TRPM5: variants seen among roughly 807,000 people sequenced by gnomAD.
The protein encoded by TRPM5 is MLSN1 and TRP-related.
TRPM5 carries 121 observed loss-of-function variants against 124.9 expected under a neutral mutation model. The ratio of observed to expected loss-of-function variants is 0.97; its 90% CI spans 0.84 to 1.13. TRPM5 has a LOEUF of 1.13. TRPM5 is among the 50% of genes most tolerant of loss of function. TRPM5 has a pLI of 0.00. For missense variants in TRPM5, 1,643 were observed against 1,589.1 expected (o/e 1.03, Z -0.58); for synonymous variants, 781 against 700.5 (o/e 1.11, Z -1.81).
chr11:2,413,043 G>T, intron 14 of TRPM5, 31 bp from the exon 20 acceptor site: 1 of 1,579,252 alleles, frequency 6.3e-7, no homozygotes, highest in East Asian at 2.3e-5. Context: ...CAGTGGTGAG[G>T]CTGGCGCCCA....
chr11:2,420,394 A>G (rs755814218), exon 4 of TRPM5: 61 of 1,608,966 alleles, frequency 3.8e-5, no homozygotes, highest in Non-Finnish European at 4.4e-5. Context: ...GGTAGTGGAC[A>G]GGAAAATCCT....
At chr11:2,442,403 A>G in the TRPM5 span, among the ~76,000 whole-genome samples, 2 of 148,620 alleles carry the variant, frequency 1.3e-5, no homozygotes, top group East Asian at 3.9e-4. This position sits in a 1 kb window ranked among gnomAD's most constrained non-coding sequence, Gnocchi z 5.9. Context: ...ACACACACAC[A>G]CACACACACA....
Position 2,414,266 on chromosome 11 carries a change from G to A in TRPM5, c.1745-60C>T, listed in dbSNP as rs1251067125. ...GCCGATGCCCGGCCCGGCCCCCGACGCCCCTCCTCCATCCCCTGCCCAGAC... is the reference window on the plus strand; with the variant it reads ...GCCGATGCCCGGCCCGGCCCCCGACACCCCTCCTCCATCCCCTGCCCAGAC... On this transcript the variant is annotated intron_variant, in intron 11 of 23. Transcript: ENST00000155858. 12 of 1,546,444 alleles carry A rather than the reference G, an allele frequency of 7.8e-6. No individual in the cohort carries two copies. The East Asian group carries it at 1.6e-4, about 21-fold the overall frequency.
chr11:2,443,094 T>C, the TRPM5 span, among the ~76,000 whole-genome samples: 1 of 152,256 alleles, frequency 6.6e-6, no homozygotes, highest in Non-Finnish European at 1.5e-5. This position sits in a 1 kb window ranked among gnomAD's most constrained non-coding sequence, Gnocchi z 5.0. Context: ...TAGTTGGAAA[T>C]GTTTTCCCGA....
chr11:2,412,354 C>A lies in TRPM5; in HGVS notation c.2356-101G>T, dbSNP rs184964980. On this transcript the variant is annotated intron_variant, in intron 15 of 23. Transcript: ENST00000155858. ...GGATCTGTAAGGATCAGGGTTCCATCTATGACCAGGGCCGAGGCTACCAGT... is the reference window on the plus strand; with the variant it reads ...GGATCTGTAAGGATCAGGGTTCCATATATGACCAGGGCCGAGGCTACCAGT... 11 of 591,112 alleles carry A rather than the reference C, an allele frequency of 1.9e-5. No homozygotes were observed. The Admixed American group carries it at 2.9e-4, about 15-fold the overall frequency. 36.6% of individuals were successfully genotyped at this position (591,112 alleles called of 1,614,324 possible). A position where few individuals can be genotyped will look rare whatever the true frequency, so the allele number is the denominator to read the frequency against.
chr11:2,407,793 C>T (rs756785879), exon 19 of TRPM5: 1 of 1,613,922 alleles, frequency 6.2e-7, no homozygotes, highest in South Asian at 1.1e-5. Context: ...ATGAGCAGCA[C>T]ATTGGTGACC....
chr11:2,415,505 CAA>C (rs1402547594), intron 8 of TRPM5, 34 bp from the exon 14 acceptor site: 1 of 1,417,464 alleles, frequency 7.1e-7, no homozygotes, highest in African/African-American at 1.4e-5. Flanking sequence ...GGAAGGGGGA[CAA>C]GAGAGTGAGC....
At chr11:2,406,220 T>A (rs573076903) in intron 21 of TRPM5, 129 bp from the exon 27 acceptor site, 1 of 958,068 alleles carries the variant, frequency 1.0e-6, no homozygotes. Context: ...CCTTCCTCCC[T>A]CATGCCCAGA....
chr11:2,415,046 T>C, exon 10 of TRPM5: 1 of 1,600,662 alleles, frequency 6.2e-7, no homozygotes, highest in Non-Finnish European at 8.5e-7. Context: ...CGGGCCCTTC[T>C]CCTGGAGGAC....
chr11:2,411,848 C>T (rs899675944), intron 16 of TRPM5, 81 bp from the exon 22 acceptor site: 41 of 1,557,664 alleles, frequency 2.6e-5, no homozygotes, highest in African/African-American at 1.6e-4. Flanking sequence ...ATGCTGGCTG[C>T]GGGCAGGGCC....
Position 2,407,381 on chromosome 11 carries a change from G to C in TRPM5, c.2937-81C>G. The stretch of plus-strand genomic sequence containing the variant: ...CGCATCCCCCTGCACCCTGATTGCT[G>C]TTGGGGAGCCCTTTTTGAAACTGAG... On this transcript the variant is annotated intron_variant, in intron 19 of 23. Coordinates refer to ENST00000155858, the Ensembl canonical transcript of TRPM5. The C allele has an allele frequency of 4.3e-6, 6 of 1,387,402 alleles. No individual in the cohort carries two copies. The South Asian group carries it at 6.5e-5, about 15-fold the overall frequency. 85.9% of individuals were successfully genotyped at this position (1,387,402 alleles called of 1,614,324 possible). A position where few individuals can be genotyped will look rare whatever the true frequency, so the allele number is the denominator to read the frequency against.
rs574109456 is a variant in TRPM5, at chr11:2,418,076, G to A, written c.906+91C>T. On this transcript the variant is annotated intron_variant, in intron 6 of 23. Coordinates refer to ENST00000155858, the Ensembl canonical transcript of TRPM5. ...CCAGCAGCCTGAGGTGGGAGGAGTGGGCTGGAGGCTGCATTGCAGGAACTC... is the reference window on the plus strand; with the variant it reads ...CCAGCAGCCTGAGGTGGGAGGAGTGAGCTGGAGGCTGCATTGCAGGAACTC... 1.0e-3 allele frequency: 1,254 copies of A among 1,244,674 alleles called. 3 individuals are homozygous for A. The highest frequency in any genetic ancestry group is 2.1e-3 in the Admixed American group (93 of 43,968). The allele number at this position is 1,244,674 out of a possible 1,614,324, so 77.1% of individuals were successfully genotyped here. A position where few individuals can be genotyped will look rare whatever the true frequency, so the allele number is the denominator to read the frequency against.
rs773151306 is a variant in TRPM5, at chr11:2,413,504, G to C, written c.1975C>G (p.Leu659Val). The change falls in exon 13 of 24, where the codon CTC becomes GTC. Residue 659 changes from leucine (L) to valine (V), a missense_variant. By Grantham distance (32) the Leu-to-Val change is conservative (BLOSUM62 1). Transcript: ENST00000155858. ...AAGGTGATGAGGTTGGTATAGACGAGGGCGGGGCAGAGGAAGGCTCCTAGC... is the reference window on the plus strand; with the variant it reads ...AAGGTGATGAGGTTGGTATAGACGACGGCGGGGCAGAGGAAGGCTCCTAGC... 12 of 1,612,122 alleles carry C rather than the reference G, an allele frequency of 7.4e-6. No individual in the cohort carries two copies. In the African/African-American group the frequency reaches 1.6e-4, roughly 22 times the overall value.
chr11:2,412,089 G>A, intron 16 of TRPM5, 46 bp downstream of exon 21: 2 of 1,529,880 alleles, frequency 1.3e-6, no homozygotes, highest in Non-Finnish European at 1.8e-6. Context: ...CTGGAAGCCT[G>A]CCCACAAGCC....
chr11:2,422,114 C>G, intron 2 of TRPM5, 27 bp downstream of exon 7: 5 of 1,557,554 alleles, frequency 3.2e-6, no homozygotes, highest in Non-Finnish European at 4.4e-6. Flanking sequence ...GGGGTGGGAG[C>G]GCTGCCTGTG....
At chr11:2,424,163 G>T (rs559316106), upstream of TRPM5, among the ~76,000 whole-genome samples, 2 of 152,234 alleles carry the variant, frequency 1.3e-5, no homozygotes, top group African/African-American at 4.8e-5. Context: ...GTACCCAGGC[G>T]CTCTGGGCTG....
intron 18 of TRPM5, among the ~76,000 whole-genome samples, chr11:2,408,528 G>A (rs1850371919): frequency 6.6e-6 from 1 of 152,232 alleles, no homozygotes; most frequent in Non-Finnish European, 1.5e-5. Context: ...CTCAAGTCAA[G>A]AACATTCTTC....
At chr11:2,431,334 C>T in the TRPM5 span, among the ~76,000 whole-genome samples, 2 of 152,038 alleles carry the variant, frequency 1.3e-5, no homozygotes, top group African/African-American at 4.8e-5. Flanking sequence ...TCCACTAGAC[C>T]CTGAAAGTCC....
chr11:2,414,485 G>T (rs1359588345), intron 11 of TRPM5, among the ~76,000 whole-genome samples: 1 of 152,214 alleles, frequency 6.6e-6, no homozygotes, highest in Non-Finnish European at 1.5e-5. Context: ...TGCCCGGGGT[G>T]TGAGGCTGTA....
Sources: allele counts gnomAD v4.1 joint callset (sites outside exome capture counted in the v4.1 genomes callset), GRCh38; gene constraint gnomAD v4.1.1; non-coding constraint Gnocchi (gnomAD v3.1); transcripts MANE v1.5; gene names NCBI Gene and HGNC (gene_info 2026-07-23, HGNC 2026-07-21).